Variants in MYPN observed in about 807,000 individuals in gnomAD.
MYPN encodes the protein sarcomeric protein myopalladin, 145 kDa (MYOP).
Under a neutral mutation model 129.4 loss-of-function variants are expected in MYPN, and 63 were observed. The ratio of observed to expected loss-of-function variants is 0.49; its 90% CI spans 0.40 to 0.60. MYPN has a LOEUF of 0.60. MYPN is among the 20% of genes least tolerant of loss of function. The pLI is 0.00. For synonymous variants in MYPN, 629 were observed against 600.9 expected, an observed-to-expected ratio of 1.05 and a Z score of -0.68; for missense variants, 1,596 against 1,635.4, an observed-to-expected ratio of 0.98 and a Z score of 0.42.
chr10:68,155,195 C>CA (rs1178376057), intron 6 of MYPN, among the ~76,000 whole-genome samples: 29 of 151,594 alleles, frequency 1.9e-4, no homozygotes, highest in Admixed American at 3.9e-4. Flanking sequence ...AACAAAACAA[C>CA]AAAAAACAAA....
Position 68,210,996 on chromosome 10 carries a change from G to A in MYPN, c.*541G>A, listed in dbSNP as rs1351894687. The A allele has an allele frequency of 2.2e-6, 1 of 454,070 alleles. No homozygotes were observed. The highest frequency in any genetic ancestry group is 4.4e-6 in the Non-Finnish European group (1 of 226,790). The allele number at this position is 454,070 out of a possible 1,614,324, so 28.1% of individuals were successfully genotyped here. On this transcript the variant is annotated 3_prime_UTR_variant, in exon 20 of 20. Coordinates refer to ENST00000358913, the MANE Select transcript of MYPN (RefSeq NM_032578.4). ...TCATGCCATACAACTCACGTATGCG[G>A]GCAAACACTTTTGATTTGCATATCC... is the stretch of plus-strand genomic sequence containing the variant.
intron 12 of MYPN, among the ~76,000 whole-genome samples, chr10:68,187,462 TG>T (rs1340202273): frequency 6.6e-6 from 1 of 152,224 alleles, no homozygotes; most frequent in Non-Finnish European, 1.5e-5. Context: ...TTTTAAAACC[TG>T]ATTTTCATGG....
At chr10:68,111,691 T>A (rs2042084022) in intron 1 of MYPN, among the ~76,000 whole-genome samples, 1 of 152,232 alleles carries the variant, frequency 6.6e-6, no homozygotes, top group Non-Finnish European at 1.5e-5. Flanking sequence ...GTGGGACTAT[T>A]TACCTGCAGT....
Position 68,150,127 on chromosome 10 carries a change from C to T in MYPN, c.1317+16C>T, listed in dbSNP as rs1406637529. 1 of 1,597,560 alleles carries T rather than the reference C, an allele frequency of 6.3e-7. No homozygotes were observed. The highest frequency in any genetic ancestry group is 8.6e-7 in the Non-Finnish European group (1 of 1,165,162). On this transcript the variant is annotated intron_variant, in intron 6 of 19. Transcript: ENST00000358913. ...GTTTACAAAGGTAATAAAAATATTA[C>T]TTCTTTCTGTCATGGCTTTAAAGAT...
At chr10:68,107,832 A>G (rs2042031865), upstream of MYPN, among the ~76,000 whole-genome samples, 1 of 152,166 alleles carries the variant, frequency 6.6e-6, no homozygotes, top group African/African-American at 2.4e-5. Context: ...GTTTGCAGGA[A>G]AGTAAAAATG....
Position 68,189,146 on chromosome 10 carries a change from A to C in MYPN, c.2925+20A>C, listed in dbSNP as rs200111945. 2.6e-4 allele frequency: 408 copies of C among 1,580,470 alleles called. No individual in the cohort carries two copies. Among genetic ancestry groups the C allele is most frequent in the Non-Finnish European group, 3.5e-4 (397 of 1,149,600 alleles). On this transcript the variant is annotated intron_variant, in intron 13 of 19. Coordinates refer to ENST00000358913, the MANE Select transcript of MYPN (RefSeq NM_032578.4). ...CCAAAGGTAGGGAAGATGACAAGCC[A>C]GTTGGCCACCTCACAGCATGAAGCT...
chr10:68,159,797 T>A (rs2042942786), intron 7 of MYPN, among the ~76,000 whole-genome samples: 1 of 152,216 alleles, frequency 6.6e-6, no homozygotes. Context: ...ATTTCTGTAT[T>A]TTTTTAGTTT....
chr10:68,158,995 G>A lies in MYPN; in HGVS notation c.1459+368G>A, dbSNP rs146303910. Among the ~76,000 whole-genome samples, 524 of 151,870 alleles carry A rather than the reference G, an allele frequency of 3.5e-3. 1 individual carries two copies. The highest frequency in any genetic ancestry group is 0.012 in the African/African-American group (504 of 41,414). The stretch of plus-strand genomic sequence containing the variant: ...GGCTCACTGCAACCTCCACCTCCTC[G>A]GTTCAAGCGATTCTCTTGCCTCAGC... On this transcript the variant is annotated intron_variant, in intron 7 of 19. Transcript: ENST00000358913.
At chr10:68,127,319 C>CTTTTTTTTT (rs71470508) in intron 2 of MYPN, among the ~76,000 whole-genome samples, 2 of 72,540 alleles carry the variant, frequency 2.8e-5, no homozygotes, top group Non-Finnish European at 4.8e-5. Flanking sequence ...ACACATATAT[C>CTTTTTTTTT]TTTTTTTTTT....
At chr10:68,104,024 G>A (rs577357464), upstream of MYPN, among the ~76,000 whole-genome samples, 15 of 152,282 alleles carry the variant, frequency 9.9e-5, no homozygotes, top group South Asian at 3.1e-3. Context: ...GGGTAACTTT[G>A]GGAAAACTAT....
intron 18 of MYPN, among the ~76,000 whole-genome samples, chr10:68,204,725 C>CAAAAAA (rs33973275): frequency 1.6e-4 from 14 of 89,324 alleles, no homozygotes; most frequent in African/African-American, 3.4e-4. Context: ...GACTCTGTCT[C>CAAAAAA]AAAAAAAAAA....
In MYPN at chr10:68,211,450, G is replaced by A. The variant is rs1243926414; in HGVS notation, c.*995G>A. 4.4e-6 allele frequency: 2 copies of A among 453,958 alleles called. No individual in the cohort carries two copies. Among genetic ancestry groups the A allele is most frequent in the Non-Finnish European group, 4.4e-6 (1 of 226,792 alleles). The allele number at this position is 453,958 out of a possible 1,614,324, so 28.1% of individuals were successfully genotyped here. On this transcript the variant is annotated 3_prime_UTR_variant, in exon 20 of 20. Coordinates refer to ENST00000358913, the MANE Select transcript of MYPN (RefSeq NM_032578.4). Reference sequence around the variant, plus strand: ...TGTCACTTGCCCCAGCAGAGCAGGGGTTTTGGAAGGAGAGGTCTTTAATAG... The same window carrying A: ...TGTCACTTGCCCCAGCAGAGCAGGGATTTTGGAAGGAGAGGTCTTTAATAG...
chr10:68,209,000 T>C (rs569285958), intron 19 of MYPN, among the ~76,000 whole-genome samples: 75 of 152,272 alleles, frequency 4.9e-4, no homozygotes, highest in Non-Finnish European at 9.7e-4. Flanking sequence ...GGTTTGGTCC[T>C]CCAAATTTTG....
Position 68,202,036 on chromosome 10 carries a change from G to A in MYPN, c.3659+42G>A, listed in dbSNP as rs1466155388. 2.5e-6 allele frequency: 4 copies of A among 1,611,106 alleles called. No homozygotes were observed. The East Asian group carries it at 6.7e-5, about 27-fold the overall frequency. On this transcript the variant is annotated intron_variant, in intron 18 of 19. Coordinates refer to ENST00000358913, the MANE Select transcript of MYPN (RefSeq NM_032578.4). ...ATCCAGAGGGACTCCCACTCTCAGT[G>A]GGGCTTGTTGCGCCACCCAAATAAG...
intron 12 of MYPN, among the ~76,000 whole-genome samples, chr10:68,177,591 C>A (rs1441245939): frequency 6.6e-6 from 1 of 152,134 alleles, no homozygotes; most frequent in African/African-American, 2.4e-5. Flanking sequence ...GTAAAAACAT[C>A]ATGAAGAACT....
intron 1 of MYPN, among the ~76,000 whole-genome samples, chr10:68,113,910 C>G (rs1391628712): frequency 6.6e-6 from 1 of 152,100 alleles, no homozygotes; most frequent in Non-Finnish European, 1.5e-5. Context: ...AAAATTGAAG[C>G]TCTACTCTTT....
intron 12 of MYPN, among the ~76,000 whole-genome samples, chr10:68,177,375 T>C (rs1173357904): frequency 1.3e-5 from 2 of 152,214 alleles, no homozygotes; most frequent in Admixed American, 6.5e-5. Context: ...TTGCAGTTGG[T>C]TAATTACAGA....
chr10:68,120,191 G>T (rs533753170), intron 1 of MYPN, among the ~76,000 whole-genome samples: 9 of 152,140 alleles, frequency 5.9e-5, no homozygotes, highest in Non-Finnish European at 1.3e-4. Flanking sequence ...TAATCACTGA[G>T]CTGCAGCTTT....
At chr10:68,105,053 G>A (rs772980927), upstream of MYPN, among the ~76,000 whole-genome samples, 3 of 152,138 alleles carry the variant, frequency 2.0e-5, no homozygotes, top group Non-Finnish European at 4.4e-5. Flanking sequence ...AAAGTGCTGG[G>A]ATTATAGGCA....
Sources: gnomAD v4.1 joint callset for allele counts (sites outside exome capture counted in the v4.1 genomes callset) on GRCh38, gnomAD v4.1.1 for gene constraint, MANE v1.5 for transcripts, NCBI Gene and HGNC (gene_info 2026-07-23, HGNC 2026-07-21) for gene names.